Variants in FABP12 observed in about 807,000 individuals in gnomAD.
The protein encoded by FABP12 is fatty acid-binding protein 12.
Under a neutral mutation model 13.7 loss-of-function variants are expected in FABP12, and 19 were observed. The ratio of observed to expected loss-of-function variants is 1.39; its 90% confidence interval spans 0.97 to 2.04. The LOEUF (loss-of-function observed/expected upper bound fraction) is 2.04. FABP12 is among the 30% of genes most tolerant of loss of function. The probability of loss-of-function intolerance (pLI) is 0.00; values close to 1 mark genes in which losing one functional copy is unlikely to be tolerated. For missense variants in FABP12, 182 were observed against 164.2 expected (o/e 1.11, Z -0.59); for synonymous variants, 61 against 57.0 (o/e 1.07, Z -0.32).
intron 1 of FABP12, among the ~76,000 whole-genome samples, chr8:81,548,225 A>T (rs1375363448): frequency 3.3e-5 from 5 of 152,166 alleles, no homozygotes; most frequent in Non-Finnish European, 5.9e-5. Context: ...ATTTTCAAAA[A>T]TCCACCAAGT....
intron 1 of FABP12, among the ~76,000 whole-genome samples, chr8:81,552,131 T>A (rs1809532525): frequency 1.3e-5 from 2 of 152,056 alleles, no homozygotes; most frequent in African/African-American, 4.8e-5. Context: ...CACCAATCTA[T>A]GGGGTACAGA....
chr8:81,573,504 G>C (rs2130080298), intron 1 of FABP12, among the ~76,000 whole-genome samples: 1 of 152,232 alleles, frequency 6.6e-6, no homozygotes, highest in East Asian at 1.9e-4. Context: ...GTGGTATTTT[G>C]ATGGGGACTG....
At chr8:81,580,276 T>A (rs1414853182) in intron 1 of FABP12, among the ~76,000 whole-genome samples, 3 of 152,240 alleles carry the variant, frequency 2.0e-5, no homozygotes, top group East Asian at 1.9e-4. Context: ...TTTGTTAAAA[T>A]TTTTAAATCT....
chr8:81,537,366 A>C (rs1585839534), upstream of FABP12, among the ~76,000 whole-genome samples: 1 of 152,222 alleles, frequency 6.6e-6, no homozygotes, highest in East Asian at 1.9e-4. Flanking sequence ...TTAAATTATA[A>C]AGTTTCTTCA....
intron 2 of FABP12, among the ~76,000 whole-genome samples, chr8:81,539,163 A>C (rs534868943): frequency 2.0e-5 from 3 of 152,256 alleles, no homozygotes; most frequent in Non-Finnish European, 4.4e-5. Flanking sequence ...TTATGTTTTA[A>C]ATAAAAAGTT....
In FABP12 at chr8:81,531,404, C is replaced by A; in HGVS notation, c.-75-14G>T. On this transcript the variant is annotated splice_polypyrimidine_tract_variant and intron_variant, in intron 1 of 4. Coordinates refer to ENST00000360464, the Ensembl canonical transcript of FABP12. ...GTAGTATGGGAACTTGTTTTTAATA[C>A]AATTTTGGGTAGAGAATGAGATGAG... 2.5e-6 allele frequency: 2 copies of A among 814,780 alleles called. No homozygotes were observed. Among genetic ancestry groups the A allele is most frequent in the South Asian group, 1.8e-5 (1 of 55,956 alleles). 50.5% of individuals were successfully genotyped at this position (814,780 alleles called of 1,614,324 possible). A position where few individuals can be genotyped will look rare whatever the true frequency, so the allele number is the denominator to read the frequency against.
intron 1 of FABP12, among the ~76,000 whole-genome samples, chr8:81,544,430 TTG>T (rs1428721794): frequency 2.0e-5 from 3 of 152,170 alleles, no homozygotes; most frequent in Non-Finnish European, 2.9e-5. Context: ...CATCTTAACA[TTG>T]CTTTCTCCTC....
chr8:81,584,265 A>G (rs1810209928), intron 1 of FABP12, among the ~76,000 whole-genome samples: 1 of 152,200 alleles, frequency 6.6e-6, no homozygotes, highest in East Asian at 1.9e-4. Context: ...GTGGTGTTAG[A>G]CTGCAGGAGG....
At chr8:81,553,217 C>T (rs534679995) in intron 1 of FABP12, among the ~76,000 whole-genome samples, 6 of 152,272 alleles carry the variant, frequency 3.9e-5, no homozygotes, top group African/African-American at 1.4e-4. Context: ...TAATATGCCA[C>T]TAGACCTATC....
chr8:81,543,426 T>C (rs774641657), intron 1 of FABP12, among the ~76,000 whole-genome samples: 1 of 152,192 alleles, frequency 6.6e-6, no homozygotes, highest in Non-Finnish European at 1.5e-5. Flanking sequence ...GGAAAACTAG[T>C]TTAGCGCCTG....
chr8:81,588,438 T>A (rs1019341572), intron 1 of FABP12, among the ~76,000 whole-genome samples: 7 of 152,234 alleles, frequency 4.6e-5, no homozygotes, highest in Non-Finnish European at 1.0e-4. Context: ...GCTTACTTGA[T>A]TTCTTTTTTA....
intron 1 of FABP12, among the ~76,000 whole-genome samples, chr8:81,546,618 T>G (rs1230032440): frequency 6.6e-6 from 1 of 152,142 alleles, no homozygotes. Flanking sequence ...ATTGTGTCAC[T>G]GCACTCCAGC....
intron 1 of FABP12, among the ~76,000 whole-genome samples, chr8:81,557,174 C>T (rs1412462657): frequency 6.6e-6 from 1 of 152,106 alleles, no homozygotes; most frequent in Non-Finnish European, 1.5e-5. Context: ...CGCACCTGGC[C>T]AAGCTCACAC....
intron 1 of FABP12, among the ~76,000 whole-genome samples, chr8:81,559,024 A>C (rs1585850165): frequency 6.6e-6 from 1 of 152,052 alleles, no homozygotes; most frequent in East Asian, 1.9e-4. Context: ...TACACACTAC[A>C]CTCAGCCAAA....
chr8:81,554,553 A>G (rs382604), intron 1 of FABP12, among the ~76,000 whole-genome samples: 8,646 of 152,254 alleles, frequency 0.057, 298 homozygotes, highest in Middle Eastern at 0.12. Flanking sequence ...TTTTTATTCT[A>G]CAGGAACCAC....
chr8:81,538,670 C>T (rs73277211), upstream of FABP12, among the ~76,000 whole-genome samples: 18,313 of 151,978 alleles, frequency 0.12, 2,173 homozygotes, highest in African/African-American at 0.3. Flanking sequence ...CTAGAAGCTA[C>T]CAACACCTTA....
chr8:81,586,441 C>A (rs1467718794), intron 1 of FABP12, among the ~76,000 whole-genome samples: 1 of 152,164 alleles, frequency 6.6e-6, no homozygotes, highest in Non-Finnish European at 1.5e-5. Context: ...AATGGCTGAA[C>A]TAATTTACGT....
At chr8:81,558,337 C>T (rs1459822628) in intron 1 of FABP12, among the ~76,000 whole-genome samples, 1 of 152,122 alleles carries the variant, frequency 6.6e-6, no homozygotes, top group East Asian at 1.9e-4. Flanking sequence ...TCTGTTCATT[C>T]ATCCTTAGGT....
intron 1 of FABP12, among the ~76,000 whole-genome samples, chr8:81,580,156 GC>G (rs1810133564): frequency 6.6e-6 from 1 of 152,112 alleles, no homozygotes; most frequent in African/African-American, 2.4e-5. Context: ...ATATACCCCT[GC>G]CAGGCCACCT....
Sources: allele counts gnomAD v4.1 joint callset (sites outside exome capture counted in the v4.1 genomes callset), GRCh38; gene constraint gnomAD v4.1.1; transcripts MANE v1.5; gene names NCBI Gene and HGNC (gene_info 2026-07-23, HGNC 2026-07-21).